CRPPA: variants seen among roughly 807,000 people sequenced by gnomAD.
CRPPA encodes CDP-L-ribitol pyrophosphorylase A, also known as D-ribitol-5-phosphate cytidylyltransferase.
A neutral mutation model predicts 52.0 loss-of-function variants in CRPPA; 43 were observed. The observed-to-expected ratio is 0.83, with a 90% CI of 0.65 to 1.07. The LOEUF (loss-of-function observed/expected upper bound fraction) is 1.07, where lower values mean the gene tolerates loss of function less well. CRPPA is among the 50% of genes least tolerant of loss of function. The pLI, the probability that CRPPA is intolerant of heterozygous loss-of-function variation, is 0.00. For synonymous variants in CRPPA, 250 were observed against 203.5 expected (o/e 1.23, Z -1.94); for missense variants, 629 against 551.7 (o/e 1.14, Z -1.40).
At position 16,104,589 on chromosome 7, in the gene CRPPA, A is replaced by C. The variant is rs142036448; in HGVS notation, c.1252-12790T>G. Among the ~76,000 whole-genome samples, 1,001 of 152,318 alleles carry C rather than the reference A, an allele frequency of 6.6e-3. 11 individuals carry two copies. The highest frequency in any genetic ancestry group is 0.023 in the African/African-American group (937 of 41,554). ...GTCAGAAGAGTTCATGTGGATATTAAATGTATTTTGAATTAAAAATCTCAT... is the reference window on the plus strand; with the variant it reads ...GTCAGAAGAGTTCATGTGGATATTACATGTATTTTGAATTAAAAATCTCAT... On this transcript the variant is annotated intron_variant, in intron 9 of 9. Coordinates refer to ENST00000407010, the MANE Select transcript of CRPPA (RefSeq NM_001101426.4).
At chr7:16,314,543 T>C (rs1337117584) in intron 3 of CRPPA, among the ~76,000 whole-genome samples, 1 of 152,094 alleles carries the variant, frequency 6.6e-6, no homozygotes, top group Non-Finnish European at 1.5e-5. Context: ...GATCCATGTT[T>C]CTGACCTATA....
chr7:16,130,854 T>C (rs1782667852), intron 9 of CRPPA, among the ~76,000 whole-genome samples: 1 of 152,048 alleles, frequency 6.6e-6, no homozygotes, highest in Admixed American at 6.6e-5. Context: ...GGTAAGGCCT[T>C]TGGGGGGTGA....
At chr7:16,397,367 G>A (rs1393161529) in intron 2 of CRPPA, among the ~76,000 whole-genome samples, 7 of 152,174 alleles carry the variant, frequency 4.6e-5, no homozygotes, top group African/African-American at 1.7e-4. Flanking sequence ...ACTGACGTGT[G>A]TAACACGTGT....
At chr7:16,254,235 T>G (rs151249573) in intron 8 of CRPPA, among the ~76,000 whole-genome samples, 10,674 of 152,214 alleles carry the variant, frequency 0.07, 455 homozygotes, top group East Asian at 0.16. Context: ...ATCCCATTAC[T>G]GGGTATATAC....
intron 9 of CRPPA, among the ~76,000 whole-genome samples, chr7:16,157,258 C>A (rs1241743836): frequency 6.7e-6 from 1 of 148,298 alleles, no homozygotes; most frequent in African/African-American, 2.5e-5. Context: ...TTTGGAAGGA[C>A]AAAAGTGAGG....
chr7:16,325,126 T>C (rs1243428437), intron 3 of CRPPA, among the ~76,000 whole-genome samples: 4 of 152,366 alleles, frequency 2.6e-5, no homozygotes, highest in Admixed American at 6.5e-5. Flanking sequence ...CAATGACTTA[T>C]AATCTGGATG....
chr7:16,174,077 C>G (rs1781245537), intron 9 of CRPPA, among the ~76,000 whole-genome samples: 1 of 152,124 alleles, frequency 6.6e-6, no homozygotes, highest in African/African-American at 2.4e-5. Context: ...CTGTGAGGAA[C>G]AACTTCTTTA....
intron 9 of CRPPA, among the ~76,000 whole-genome samples, chr7:16,118,702 G>C (rs1241841851): frequency 6.6e-6 from 1 of 152,144 alleles, no homozygotes; most frequent in East Asian, 1.9e-4. Flanking sequence ...CAGTGTCTGA[G>C]GATGACTGGA....
At chr7:16,307,538 C>T (rs1449382137) in intron 4 of CRPPA, among the ~76,000 whole-genome samples, 5 of 151,412 alleles carry the variant, frequency 3.3e-5, no homozygotes, top group African/African-American at 4.9e-5. Flanking sequence ...AAAAATTAGC[C>T]GGGTGGTGGT....
intron 9 of CRPPA, among the ~76,000 whole-genome samples, chr7:16,131,702 C>G (rs1371036375): frequency 6.6e-6 from 1 of 152,176 alleles, no homozygotes; most frequent in Non-Finnish European, 1.5e-5. Context: ...CCTGCCTCAG[C>G]CCCCAGGTAA....
At chr7:16,406,562 G>A (rs1304873322) in intron 1 of CRPPA, among the ~76,000 whole-genome samples, 1 of 152,150 alleles carries the variant, frequency 6.6e-6, no homozygotes, top group Admixed American at 6.5e-5. Flanking sequence ...ATATTACATA[G>A]AATATCTTAC....
At chr7:16,185,934 T>C (rs1023175200) in intron 9 of CRPPA, among the ~76,000 whole-genome samples, 5 of 152,134 alleles carry the variant, frequency 3.3e-5, no homozygotes, top group African/African-American at 1.2e-4. Context: ...TAAACACACA[T>C]AAGCATGACT....
At chr7:16,326,412 G>C (rs1172210531) in intron 3 of CRPPA, among the ~76,000 whole-genome samples, 2 of 152,124 alleles carry the variant, frequency 1.3e-5, no homozygotes, top group Non-Finnish European at 2.9e-5. Flanking sequence ...AGATGTCATG[G>C]AATAAAATAG....
At chr7:16,141,885 C>T (rs1375366665) in intron 9 of CRPPA, among the ~76,000 whole-genome samples, 1 of 152,168 alleles carries the variant, frequency 6.6e-6, no homozygotes, top group Non-Finnish European at 1.5e-5. Flanking sequence ...TCTATCCTGT[C>T]ACCCTACTAT....
intron 9 of CRPPA, among the ~76,000 whole-genome samples, chr7:16,136,624 G>C (rs1383504796): frequency 6.6e-6 from 1 of 152,108 alleles, no homozygotes; most frequent in Non-Finnish European, 1.5e-5. Flanking sequence ...CATTCTTAAG[G>C]AACTCATAGT....
chr7:16,278,555 T>C (rs1419039140), intron 5 of CRPPA, among the ~76,000 whole-genome samples: 1 of 152,242 alleles, frequency 6.6e-6, no homozygotes, highest in East Asian at 1.9e-4. Flanking sequence ...TCCATGTTTA[T>C]AAGGAGTCTC....
chr7:16,398,062 A>T (rs1787660955), intron 2 of CRPPA, among the ~76,000 whole-genome samples: 1 of 152,254 alleles, frequency 6.6e-6, no homozygotes, highest in Non-Finnish European at 1.5e-5. Flanking sequence ...GATCGAAATG[A>T]CCAGGGCATG....
chr7:16,105,465 G>T (rs1782132456), intron 9 of CRPPA, among the ~76,000 whole-genome samples: 1 of 152,134 alleles, frequency 6.6e-6, no homozygotes. Flanking sequence ...ATTCTGGCAT[G>T]CTTCCTAGAA....
intron 9 of CRPPA, among the ~76,000 whole-genome samples, chr7:16,189,965 T>TA (rs913659933): frequency 6.6e-6 from 1 of 152,120 alleles, no homozygotes; most frequent in Non-Finnish European, 1.5e-5. Flanking sequence ...ATCTCAGCTC[T>TA]AAAAAATCCA....
Sources: allele counts gnomAD v4.1 joint callset (sites outside exome capture counted in the v4.1 genomes callset), GRCh38; gene constraint gnomAD v4.1.1; transcripts MANE v1.5; gene names NCBI Gene and HGNC (gene_info 2026-07-23, HGNC 2026-07-21).